SETD5: variants seen among roughly 807,000 people sequenced by gnomAD.
The protein encoded by SETD5 is histone-lysine N-methyltransferase SETD5.
Under a neutral mutation model 153.3 loss-of-function variants are expected in SETD5, and 44 were observed. That is an observed-to-expected ratio of 0.29 (90% CI 0.23 to 0.37). The LOEUF (loss-of-function observed/expected upper bound fraction) is 0.37, where lower values mean the gene tolerates loss of function less well. Among genes scored for constraint, SETD5 ranks in the 10% least tolerant of loss-of-function variants. SETD5 has a pLI of 1.00. For synonymous variants in SETD5, 716 were observed against 645.2 expected, an observed-to-expected ratio of 1.11 and a Z score of -1.66; for missense variants, 1,544 against 1,768.0, an observed-to-expected ratio of 0.87 and a Z score of 2.27.
Position 9,476,755 on chromosome 3 carries a change from T to C in SETD5, c.*664T>C, listed in dbSNP as rs2045875923. 1.3e-5 allele frequency: 2 copies of C among 152,554 alleles called. No homozygotes were observed. Among genetic ancestry groups the C allele is most frequent in the African/African-American group, 4.8e-5 (2 of 41,442 alleles). The allele number at this position is 152,554 out of a possible 1,614,324, so 9.5% of individuals were successfully genotyped here. A position where few individuals can be genotyped will look rare whatever the true frequency, so the allele number is the denominator to read the frequency against. On this transcript the variant is annotated 3_prime_UTR_variant, in exon 23 of 23. Coordinates refer to ENST00000402198, the MANE Select transcript of SETD5 (RefSeq NM_001080517.3). ...TTGAAGAAAAGCTCATGGTCAGCTC[T>C]TGATTATTCGGGAGCAGATTATTTG...
intron 10 of SETD5, 42 bp from the exon 11 acceptor site, chr3:9,443,266 A>G: frequency 1.4e-6 from 2 of 1,425,248 alleles, no homozygotes; most frequent in Non-Finnish European, 9.7e-7. Context: ...CGGAAAGTTC[A>G]TGGTCTTTAT....
chr3:9,463,400 A>C (rs902947118), intron 17 of SETD5, among the ~76,000 whole-genome samples: 1 of 152,254 alleles, frequency 6.6e-6, no homozygotes, highest in African/African-American at 2.4e-5. Flanking sequence ...TACCTAGTTC[A>C]GTAATCAGTA....
Position 9,445,962 on chromosome 3 carries a change from G to GTTTTTTTTTTTTT in SETD5, c.1524+224_1524+225insTTTTTTTTTTTTT, listed in dbSNP as rs1432231015. On this transcript the variant is annotated intron_variant, in intron 13 of 22. Transcript: ENST00000402198. ...TATTATCTAGTGATGGTTTGAAGAG[G>GTTTTTTTTTTTTT]TTGTTTTTTTTTTTTTTTTTTTTTT... is the stretch of plus-strand genomic sequence containing the variant. Among the ~76,000 whole-genome samples, 33 of 120,238 alleles carry GTTTTTTTTTTTTT rather than the reference G, an allele frequency of 2.7e-4. 1 individual carries two copies. Among genetic ancestry groups the GTTTTTTTTTTTTT allele is most frequent in the Admixed American group, 7.1e-4 (8 of 11,308 alleles). The allele number at this position is 120,238 out of a possible 152,430, so 78.9% of individuals were successfully genotyped here.
chr3:9,431,353 T>C (rs1308910252), intron 3 of SETD5: 14 of 985,282 alleles, frequency 1.4e-5, no homozygotes. Flanking sequence ...TGTGTATGTG[T>C]CCAATTCAGT....
At chr3:9,433,317 T>C in intron 3 of SETD5, 1 of 1,196,852 alleles carries the variant, frequency 8.4e-7, no homozygotes, top group Non-Finnish European at 1.1e-6. Flanking sequence ...TTCATCAAGA[T>C]GAGAGGTATG....
intron 1 of SETD5, among the ~76,000 whole-genome samples, chr3:9,411,526 T>C (rs1181906323): frequency 6.6e-6 from 1 of 152,220 alleles, no homozygotes. Context: ...AAATAGTGAT[T>C]AAGAATGTGA....
At chr3:9,440,236 G>A (rs1575419024) in intron 7 of SETD5, among the ~76,000 whole-genome samples, 1 of 152,102 alleles carries the variant, frequency 6.6e-6, no homozygotes, top group East Asian at 1.9e-4. Context: ...TGGAGAAACT[G>A]AGCTTCCCCA....
chr3:9,458,942 T>A (rs376034469), intron 17 of SETD5, among the ~76,000 whole-genome samples: 180 of 152,316 alleles, frequency 1.2e-3, no homozygotes, highest in African/African-American at 4.2e-3. Flanking sequence ...CACATCTTTA[T>A]TAATCAAAAT....
chr3:9,468,353 T>C (rs1297062835), intron 18 of SETD5, among the ~76,000 whole-genome samples: 1 of 152,178 alleles, frequency 6.6e-6, no homozygotes, highest in East Asian at 1.9e-4. Context: ...TTCTGTCCAT[T>C]GAGATGAGTT....
intron 16 of SETD5, among the ~76,000 whole-genome samples, chr3:9,450,956 C>T (rs963263745): frequency 2.6e-5 from 4 of 152,078 alleles, no homozygotes; most frequent in African/African-American, 7.2e-5. Context: ...TATGATATCC[C>T]TAGAGTTTCT....
chr3:9,430,095 A>C lies in SETD5; in HGVS notation c.71+1086A>C, dbSNP rs563263272. 161 of 1,050,448 alleles carry C rather than the reference A, an allele frequency of 1.5e-4. No individual in the cohort carries two copies. The African/African-American group carries it at 2.6e-3, about 17-fold the overall frequency. The allele number at this position is 1,050,448 out of a possible 1,614,324, so 65.1% of individuals were successfully genotyped here. A position where few individuals can be genotyped will look rare whatever the true frequency, so the allele number is the denominator to read the frequency against. On this transcript the variant is annotated intron_variant, in intron 3 of 22. Coordinates refer to ENST00000402198, the MANE Select transcript of SETD5 (RefSeq NM_001080517.3). The stretch of plus-strand genomic sequence containing the variant: ...CCCCTGTTTCTCTTGCCATTTTCAC[A>C]GTCCCTGGGGATTCTTCCCCCTTCA...
At chr3:9,455,484 C>T (rs1270701450) in intron 17 of SETD5, among the ~76,000 whole-genome samples, 2 of 152,004 alleles carry the variant, frequency 1.3e-5, no homozygotes, top group East Asian at 1.9e-4. Flanking sequence ...AAGTTACCAC[C>T]TATATACCTC....
chr3:9,453,852 C>A lies in SETD5; in HGVS notation c.2460C>A (p.Ile820=). 1.3e-6 allele frequency: 2 copies of A among 1,586,268 alleles called. No individual in the cohort carries two copies. Among genetic ancestry groups the A allele is most frequent in the Non-Finnish European group, 1.7e-6 (2 of 1,171,358 alleles). The stretch of plus-strand genomic sequence containing the variant: ...ATGAGAATAGTAGCTCTTCTAGTAT[C>A]TGCAAAGACAATGCAGGTACGTATC... ...QSNENSSSSS[I]CKDNADLLSP... Residue 820 remains isoleucine, a synonymous_variant, in exon 17 of 23, where the codon ATC becomes ATA. Coordinates refer to ENST00000402198, the MANE Select transcript of SETD5 (RefSeq NM_001080517.3).
intron 12 of SETD5, 81 bp downstream of exon 12, chr3:9,445,381 G>C: frequency 1.4e-6 from 2 of 1,454,886 alleles, no homozygotes; most frequent in South Asian, 1.2e-5. Context: ...CATGGTTTAA[G>C]TAGGGGAGCT....
At chr3:9,442,063 T>G in intron 9 of SETD5, 65 bp from the exon 10 acceptor site, 1 of 1,064,596 alleles carries the variant, frequency 9.4e-7, no homozygotes, top group Non-Finnish European at 1.4e-6. Flanking sequence ...TGCTTCATAT[T>G]TGGAGTCATG....
At chr3:9,435,957 TTTTGGAGCAAGAATGCACCAAA>T in intron 7 of SETD5, 51 bp downstream of exon 7, 1 of 1,490,754 alleles carries the variant, frequency 6.7e-7, no homozygotes, top group Non-Finnish European at 9.0e-7. Flanking sequence ...ATAGCTTAAA[TTTTGGAGCAAGAATGCACCAAA>T]ATTCTTTTAA....
At chr3:9,460,619 A>G (rs1055746911) in intron 17 of SETD5, among the ~76,000 whole-genome samples, 63 of 152,244 alleles carry the variant, frequency 4.1e-4, no homozygotes, top group African/African-American at 1.4e-3. Context: ...ATTCGGAAAT[A>G]AACATTCAGA....
At chr3:9,429,091 T>C (rs1374566768) in intron 3 of SETD5, 82 bp downstream of exon 3, 5 of 932,914 alleles carry the variant, frequency 5.4e-6, no homozygotes, top group Admixed American at 2.1e-5. Flanking sequence ...TAGGATAATA[T>C]GTAGTATTTT....
intron 17 of SETD5, among the ~76,000 whole-genome samples, chr3:9,458,799 A>C (rs2043570820): frequency 6.6e-6 from 1 of 152,160 alleles, no homozygotes; most frequent in South Asian, 2.1e-4. Flanking sequence ...TTAACCTAGT[A>C]GTCGTTCATT....
Sources: allele counts gnomAD v4.1 joint callset (sites outside exome capture counted in the v4.1 genomes callset), GRCh38; gene constraint gnomAD v4.1.1; transcripts MANE v1.5; gene names NCBI Gene and HGNC (gene_info 2026-07-23, HGNC 2026-07-21).